The following CSMD1 variants were observed in gnomAD, a reference collection of about 807,000 sequenced individuals.
CSMD1 encodes CUB and Sushi multiple domains 1, also known as CUB and sushi domain-containing protein 1.
A neutral mutation model predicts 417.5 loss-of-function variants in CSMD1; 213 were observed. The observed-to-expected ratio is 0.51, with a 90% CI of 0.46 to 0.57. The LOEUF (loss-of-function observed/expected upper bound fraction) is 0.57. Ranked by LOEUF, CSMD1 falls within the 20% of genes least tolerant of loss-of-function variation. CSMD1 has a pLI of 0.00. For synonymous variants in CSMD1, 2,862 were observed against 1,736.8 expected (o/e 1.65, Z -16.11); for missense variants, 6,923 against 4,529.7 (o/e 1.53, Z -15.17).
chr8:3,158,033 G>C (rs1438601440), intron 38 of CSMD1, 67 bp from the exon 39 acceptor site: 5 of 1,209,502 alleles, frequency 4.1e-6, no homozygotes, highest in South Asian at 2.8e-5. Context: ...TTAAATGTTT[G>C]AGAATATCTG....
At chr8:4,887,179 T>A (rs1283166833) in intron 1 of CSMD1, among the ~76,000 whole-genome samples, 2 of 152,124 alleles carry the variant, frequency 1.3e-5, no homozygotes, top group Non-Finnish European at 1.5e-5. Flanking sequence ...TCAGTCATTA[T>A]ATGCCTTTAC....
intron 5 of CSMD1, among the ~76,000 whole-genome samples, chr8:3,860,030 G>C (rs987675937): frequency 2.0e-5 from 3 of 152,178 alleles, no homozygotes; most frequent in African/African-American, 7.2e-5. Flanking sequence ...GTAAGAATGT[G>C]CTTGTGGAGG....
At chr8:3,996,641 T>C (rs761492489) in intron 5 of CSMD1, among the ~76,000 whole-genome samples, 2 of 152,210 alleles carry the variant, frequency 1.3e-5, no homozygotes, top group East Asian at 1.9e-4. Flanking sequence ...GTTAAAGTCA[T>C]ACAACCTACA....
chr8:3,772,283 T>TTAGACATACATATGTACATATATG (rs1246241275), intron 5 of CSMD1, among the ~76,000 whole-genome samples: 27 of 120,008 alleles, frequency 2.2e-4, no homozygotes, highest in South Asian at 8.4e-4. Context: ...GTACATATAT[T>TTAGACATACATATGTACATATATG]TAGACATACA....
chr8:3,486,604 T>C (rs1818048534), intron 11 of CSMD1, among the ~76,000 whole-genome samples: 1 of 152,230 alleles, frequency 6.6e-6, no homozygotes, highest in Non-Finnish European at 1.5e-5. Context: ...TGACTCCTGC[T>C]GTTCACTCAG....
intron 1 of CSMD1, among the ~76,000 whole-genome samples, chr8:4,962,565 A>G (rs765000650): frequency 2.0e-5 from 3 of 152,246 alleles, no homozygotes; most frequent in African/African-American, 2.4e-5. Context: ...TTAGTTTACT[A>G]TAGGATTTTG....
At chr8:4,150,586 G>A (rs1227394946) in intron 3 of CSMD1, among the ~76,000 whole-genome samples, 3 of 152,194 alleles carry the variant, frequency 2.0e-5, no homozygotes, top group African/African-American at 7.2e-5. Context: ...TCAGGTACAG[G>A]TAAAACAAGC....
intron 16 of CSMD1, 39 bp downstream of exon 16, chr8:3,399,352 A>G: frequency 6.5e-7 from 1 of 1,541,568 alleles, no homozygotes. Context: ...GAAGAGACAC[A>G]CACCATTGGG....
At chr8:3,431,708 G>A (rs143850949) in intron 12 of CSMD1, among the ~76,000 whole-genome samples, 268 of 152,206 alleles carry the variant, frequency 1.8e-3, no homozygotes, top group African/African-American at 6.1e-3. Flanking sequence ...AAATTAAGAG[G>A]AAACACATCA....
intron 51 of CSMD1, among the ~76,000 whole-genome samples, chr8:3,023,459 T>C (rs1043667037): frequency 3.9e-5 from 6 of 152,188 alleles, no homozygotes; most frequent in Non-Finnish European, 5.9e-5. Flanking sequence ...AAAGACTTTG[T>C]GCTAGGAAGG....
intron 37 of CSMD1, among the ~76,000 whole-genome samples, chr8:3,164,582 C>T (rs995093086): frequency 7.2e-5 from 11 of 152,226 alleles, no homozygotes; most frequent in East Asian, 3.9e-4. Context: ...ATCTACCATA[C>T]ATCTCTGAGT....
chr8:4,270,621 T>C (rs710256), intron 3 of CSMD1, among the ~76,000 whole-genome samples: 6,884 of 152,232 alleles, frequency 0.045, 271 homozygotes, highest in African/African-American at 0.099. Flanking sequence ...TTGACTCTGA[T>C]AGAATTAAAC....
intron 3 of CSMD1, among the ~76,000 whole-genome samples, chr8:4,225,935 A>G (rs1801321166): frequency 6.6e-6 from 1 of 152,200 alleles, no homozygotes; most frequent in Non-Finnish European, 1.5e-5. Flanking sequence ...ATTTGGTAGA[A>G]TTTATTTGAA....
chr8:3,034,443 C>A (rs571961440), intron 50 of CSMD1, among the ~76,000 whole-genome samples: 28 of 152,214 alleles, frequency 1.8e-4, no homozygotes, highest in Middle Eastern at 6.8e-3. Flanking sequence ...ACAAGAAAAA[C>A]TGGAAATAGT....
At chr8:3,153,097 T>C (rs574219664) in intron 39 of CSMD1, among the ~76,000 whole-genome samples, 2 of 152,098 alleles carry the variant, frequency 1.3e-5, no homozygotes, top group African/African-American at 4.8e-5. Flanking sequence ...AGGTCACAAA[T>C]ACCTTGCTGA....
chr8:3,461,384 G>T (rs575678232), intron 12 of CSMD1, among the ~76,000 whole-genome samples: 1 of 152,162 alleles, frequency 6.6e-6, no homozygotes, highest in Non-Finnish European at 1.5e-5. Context: ...CTCTGGATGT[G>T]GTCTTCACCC....
chr8:3,793,880 T>C (rs1799889803), intron 5 of CSMD1, among the ~76,000 whole-genome samples: 1 of 152,146 alleles, frequency 6.6e-6, no homozygotes, highest in African/African-American at 2.4e-5. Context: ...TGATGGACCA[T>C]TTGTCAAATC....
chr8:4,826,571 T>C (rs1200893055), intron 1 of CSMD1, among the ~76,000 whole-genome samples: 3 of 152,160 alleles, frequency 2.0e-5, no homozygotes, highest in Non-Finnish European at 4.4e-5. Flanking sequence ...GTTAGCGTAG[T>C]TGGGATGTCC....
chr8:3,584,668 C>T (rs1800522759), intron 9 of CSMD1, among the ~76,000 whole-genome samples: 1 of 152,122 alleles, frequency 6.6e-6, no homozygotes, highest in Admixed American at 6.5e-5. Flanking sequence ...ATTTAAGTTA[C>T]TCTAAAATAC....
Sources: gnomAD v4.1 joint callset for allele counts (sites outside exome capture counted in the v4.1 genomes callset) on GRCh38, gnomAD v4.1.1 for gene constraint, MANE v1.5 for transcripts, NCBI Gene and HGNC (gene_info 2026-07-23, HGNC 2026-07-21) for gene names.